TRAPPC2: variants seen among roughly 807,000 people sequenced by gnomAD.
The protein encoded by TRAPPC2 is sedlin.
In TRAPPC2, 4 loss-of-function variants were observed where a neutral mutation model predicts 10.0. The ratio of observed to expected loss-of-function variants is 0.40; its 90% CI spans 0.20 to 0.92. TRAPPC2 has a LOEUF of 0.92. Ranked by LOEUF, TRAPPC2 falls within the 40% of genes least tolerant of loss-of-function variation. The probability of loss-of-function intolerance (pLI) is 0.35; values close to 1 mark genes in which losing one functional copy is unlikely to be tolerated. For synonymous variants in TRAPPC2, 36 were observed against 37.3 expected, an observed-to-expected ratio of 0.97 and a Z score of 0.12; for missense variants, 52 against 108.7, an observed-to-expected ratio of 0.48 and a Z score of 2.32.
chrX:13,719,832 A>G (rs751109343), intron 3 of TRAPPC2, 39 bp downstream of exon 3: 1 of 952,804 alleles, frequency 1.0e-6, no homozygotes. Flanking sequence ...AAATCATATT[A>G]TACCATATCA....
At chrX:13,733,088 T>C (rs2046711480) in intron 2 of TRAPPC2, among the ~76,000 whole-genome samples, 1 of 112,170 alleles carries the variant, frequency 8.9e-6, no homozygotes, top group East Asian at 2.8e-4. Flanking sequence ...ATTATATTCA[T>C]GTATTCAACT....
chrX:13,722,208 C>CAGAAAAAAAAA (rs1555898001), intron 2 of TRAPPC2: 3 of 36,116 alleles, frequency 8.3e-5, no homozygotes, highest in Non-Finnish European at 1.5e-4. Flanking sequence ...TAAGCAGCAG[C>CAGAAAAAAAAA]AAAAAAAAAA....
chrX:13,719,371 T>G (rs1316975996), intron 3 of TRAPPC2, among the ~76,000 whole-genome samples: 1 of 111,177 alleles, frequency 9.0e-6, no homozygotes, highest in Non-Finnish European at 1.9e-5. Flanking sequence ...TTGAGCTTCC[T>G]GTGTATGGCC....
intron 2 of TRAPPC2, among the ~76,000 whole-genome samples, chrX:13,726,064 G>A (rs2046543922): frequency 8.9e-6 from 1 of 111,954 alleles, no homozygotes; most frequent in African/African-American, 3.2e-5. Context: ...AGAGAAAAAA[G>A]AATAAAAAGA....
intron 3 of TRAPPC2, 100 bp from the exon 4 acceptor site, chrX:13,716,778 G>GA: frequency 6.6e-6 from 6 of 914,294 alleles, no homozygotes; most frequent in South Asian, 2.2e-5. Flanking sequence ...TTCTTGTGGG[G>GA]AAAAAACAGT....
At chrX:13,733,884 C>T (rs1357490272) in intron 2 of TRAPPC2, among the ~76,000 whole-genome samples, 160 bp downstream of exon 2, 5 of 111,838 alleles carry the variant, frequency 4.5e-5, no homozygotes, top group African/African-American at 1.6e-4. Flanking sequence ...ATCTGGATCA[C>T]TTCCATCTTC....
chrX:13,732,278 C>T (rs188224987), intron 2 of TRAPPC2, among the ~76,000 whole-genome samples: 2 of 111,886 alleles, frequency 1.8e-5, no homozygotes, highest in East Asian at 5.6e-4. Flanking sequence ...AGGAAATGCT[C>T]TGGAAACCAG....
chrX:13,716,404 T>C, intron 4 of TRAPPC2, 130 bp downstream of exon 4: 3 of 851,765 alleles, frequency 3.5e-6, no homozygotes, highest in Non-Finnish European at 5.0e-6. Flanking sequence ...AGTAGCCCCA[T>C]AAATGGAAAC....
chrX:13,719,852 C>G lies in TRAPPC2; in HGVS notation c.93+19G>C. The G allele has an allele frequency of 9.3e-7, 1 of 1,077,711 alleles. No homozygotes were observed. The highest frequency in any genetic ancestry group is 1.3e-6 in the Non-Finnish European group (1 of 786,477). The allele number at this position is 1,077,711 out of a possible 1,213,427, so 88.8% of individuals were successfully genotyped here. A position where few individuals can be genotyped will look rare whatever the true frequency, so the allele number is the denominator to read the frequency against. On this transcript the variant is annotated intron_variant, in intron 3 of 5. Coordinates refer to ENST00000380579, the MANE Select transcript of TRAPPC2 (RefSeq NM_001011658.4). ...ATATTATACCATATCATTACAATAG[C>G]ATAAAAATTCTTACGTACTTTGGAT...
rs2046237832 is a variant in TRAPPC2, at chrX:13,713,218, G to A, written c.*1189C>T. Reference sequence around the variant, plus strand: ...TAATCCTAGCACTTTGGGAGGCTGAGGCGGGTGGATCAACTGAGGTCAGGA... The same window carrying A: ...TAATCCTAGCACTTTGGGAGGCTGAAGCGGGTGGATCAACTGAGGTCAGGA... On this transcript the variant is annotated 3_prime_UTR_variant, in exon 6 of 6. Transcript: ENST00000380579. The A allele has an allele frequency of 9.0e-6, 1 of 110,655 alleles. No individual in the cohort carries two copies. Among genetic ancestry groups the A allele is most frequent in the Non-Finnish European group, 1.9e-5 (1 of 52,904 alleles). 9.1% of individuals were successfully genotyped at this position (110,655 alleles called of 1,213,427 possible).
rs988314521 is a variant in TRAPPC2, at chrX:13,714,161, A to C, written c.*246T>G. 1.0e-5 allele frequency: 2 copies of C among 197,692 alleles called. No individual in the cohort carries two copies. Among genetic ancestry groups the C allele is most frequent in the Non-Finnish European group, 1.8e-5 (2 of 109,213 alleles). 16.3% of individuals were successfully genotyped at this position (197,692 alleles called of 1,213,427 possible). ...TGTATCAGAAAAAAAAAAAAAAAAA[A>C]AACATGATTATTGATAATGAACTCT... On this transcript the variant is annotated 3_prime_UTR_variant, in exon 6 of 6. Coordinates refer to ENST00000380579, the MANE Select transcript of TRAPPC2 (RefSeq NM_001011658.4).
chrX:13,726,876 G>T (rs971116473), intron 2 of TRAPPC2, among the ~76,000 whole-genome samples: 1 of 111,794 alleles, frequency 8.9e-6, no homozygotes, highest in Non-Finnish European at 1.9e-5. Flanking sequence ...GATGTGCAAA[G>T]ACACACATAG....
At chrX:13,721,147 G>A (rs1422943726) in intron 2 of TRAPPC2, 2 of 111,688 alleles carry the variant, frequency 1.8e-5, no homozygotes, top group South Asian at 7.5e-4. Context: ...TGATGGATGG[G>A]TGGGGGCATG....
chrX:13,733,952 A>C (rs982686761), intron 2 of TRAPPC2, 92 bp downstream of exon 2: 2 of 507,340 alleles, frequency 3.9e-6, no homozygotes, highest in Non-Finnish European at 3.5e-6. Context: ...TTCTTGTTCA[A>C]TTCTCTGGCT....
chrX:13,716,892 TTAA>T (rs1390476433), intron 3 of TRAPPC2, among the ~76,000 whole-genome samples: 1 of 110,655 alleles, frequency 9.0e-6, no homozygotes, highest in Non-Finnish European at 1.9e-5. Context: ...AAACAGCCAA[TTAA>T]TAAATGAAAT....
rs760961015 is a variant in TRAPPC2, at chrX:13,716,640, A to G, written c.132T>C (p.Ala44=). The G allele has an allele frequency of 2.9e-5, 35 of 1,210,618 alleles. 1 individual carries two copies. The South Asian group carries it at 6.2e-4, about 21-fold the overall frequency. ...TGTTCTCATCTACGAGGTCGAGAGC[A>G]GCATGAGCTATGAACTGGTTCAGAT... ...HRHLNQFIAH[A]ALDLVDENMW... The change falls in exon 4 of 6, where the codon GCT becomes GCC. Residue 44 remains alanine, a synonymous_variant. Coordinates refer to ENST00000380579, the MANE Select transcript of TRAPPC2 (RefSeq NM_001011658.4).
At chrX:13,718,983 C>G (rs1267483132) in intron 3 of TRAPPC2, among the ~76,000 whole-genome samples, 1 of 110,240 alleles carries the variant, frequency 9.1e-6, no homozygotes, top group Non-Finnish European at 1.9e-5. Flanking sequence ...ATGGCGAAAC[C>G]CTGTCTCTAC....
At position 13,713,951 on chromosome X, in the gene TRAPPC2, C is replaced by A. The variant is rs1048298183; in HGVS notation, c.*456G>T. The A allele has an allele frequency of 9.0e-6, 1 of 111,256 alleles. No individual in the cohort carries two copies. Among genetic ancestry groups the A allele is most frequent in the Non-Finnish European group, 1.9e-5 (1 of 53,060 alleles). 9.2% of individuals were successfully genotyped at this position (111,256 alleles called of 1,213,427 possible). On this transcript the variant is annotated 3_prime_UTR_variant, in exon 6 of 6. Transcript: ENST00000380579. ...ACGAGGTCAGGAGTTCAAGACCAGC[C>A]TGACCAATATGGTGAAACCCTGTCT... is the stretch of plus-strand genomic sequence containing the variant.
chrX:13,718,003 G>C (rs761856245), intron 3 of TRAPPC2, among the ~76,000 whole-genome samples: 2 of 112,153 alleles, frequency 1.8e-5, no homozygotes, highest in Non-Finnish European at 3.8e-5. Flanking sequence ...CTGGAGTTAT[G>C]CTGCCACAAG....
Sources: allele counts gnomAD v4.1 joint callset (sites outside exome capture counted in the v4.1 genomes callset), GRCh38; gene constraint gnomAD v4.1.1; transcripts MANE v1.5; gene names NCBI Gene and HGNC (gene_info 2026-07-23, HGNC 2026-07-21).